Variants in ZNF184 observed in about 807,000 individuals in gnomAD.
ZNF184 encodes the protein zinc finger protein 184, also known as zinc finger protein 184 (Kruppel-like).
ZNF184 carries 16 observed loss-of-function variants against 54.4 expected under a neutral mutation model. The observed-to-expected ratio is 0.29, with a 90% confidence interval of 0.20 to 0.45. The LOEUF (loss-of-function observed/expected upper bound fraction) is 0.45. ZNF184 is among the 20% of genes least tolerant of loss of function. ZNF184 has a pLI of 1.00. For synonymous variants in ZNF184, 254 were observed against 295.3 expected (o/e 0.86, Z 1.43); for missense variants, 681 against 888.2 (o/e 0.77, Z 2.97).
chr6:27,456,733 A>G (rs561623698), intron 5 of ZNF184, 93 bp downstream of exon 5: 67 of 1,078,290 alleles, frequency 6.2e-5, no homozygotes, highest in Middle Eastern at 2.0e-4. Context: ...TTTAAAGGGA[A>G]GAAAGTACAT....
the ZNF184 span, among the ~76,000 whole-genome samples, chr6:27,440,308 C>T: frequency 3.3e-5 from 5 of 152,104 alleles, no homozygotes; most frequent in African/African-American, 1.2e-4. Flanking sequence ...GAGAGTCTAA[C>T]AATATTCATT....
At chr6:27,442,995 A>C in the ZNF184 span, among the ~76,000 whole-genome samples, 2 of 152,134 alleles carry the variant, frequency 1.3e-5, no homozygotes, top group Non-Finnish European at 2.9e-5. Context: ...GTAACATTTC[A>C]GAGCCCAGAC....
chr6:27,442,737 A>AGGAAGGAG, the ZNF184 span, among the ~76,000 whole-genome samples: 216 of 133,332 alleles, frequency 1.6e-3, 6 homozygotes, highest in African/African-American at 3.7e-3. Flanking sequence ...GAAGGAAGGA[A>AGGAAGGAG]GGAGGGAGGG....
At chr6:27,444,620 A>C in the ZNF184 span, among the ~76,000 whole-genome samples, 1 of 152,092 alleles carries the variant, frequency 6.6e-6, no homozygotes, top group African/African-American at 2.4e-5. Context: ...ATCAGGTTTT[A>C]GTTCCACCAC....
intron 5 of ZNF184, 33 bp downstream of exon 5, chr6:27,456,793 A>G (rs1176379085): frequency 1.3e-6 from 2 of 1,562,510 alleles, no homozygotes; most frequent in South Asian, 2.2e-5. Flanking sequence ...AGTCGGAGTT[A>G]ATGATATTCA....
the ZNF184 span, among the ~76,000 whole-genome samples, chr6:27,422,145 AAAAAAAGAAAG>A: frequency 4.6e-4 from 24 of 51,930 alleles, 2 homozygotes; most frequent in African/African-American, 1.8e-3. Context: ...TACCTCAAAA[AAAAAAAGAAAG>A]AAAGAAAGAA....
the ZNF184 span, among the ~76,000 whole-genome samples, chr6:27,437,497 T>C: frequency 3.9e-5 from 6 of 152,184 alleles, no homozygotes; most frequent in Non-Finnish European, 5.9e-5. Context: ...ACAGATCCTT[T>C]AGATGAGAAT....
At chr6:27,466,860 G>A (rs1054453821) in intron 3 of ZNF184, among the ~76,000 whole-genome samples, 1 of 152,096 alleles carries the variant, frequency 6.6e-6, no homozygotes, top group South Asian at 2.1e-4. Flanking sequence ...TTCTCAATCA[G>A]TCCAGGTCAC....
Position 27,458,207 on chromosome 6 carries a change from A to G in ZNF184, c.76-798T>C, listed in dbSNP as rs549720320. Among the ~76,000 whole-genome samples the G allele has an allele frequency of 8.0e-5, 12 of 150,910 alleles. No individual in the cohort carries two copies. In the South Asian group the frequency reaches 2.3e-3, roughly 29 times the overall value. ...GGAAGGCAAAATTTACATGATGGAG[A>G]GAGAGATCGATAGATATAACCACAT... is the stretch of plus-strand genomic sequence containing the variant. On this transcript the variant is annotated intron_variant, in intron 3 of 5. Coordinates refer to ENST00000683788, the MANE Select transcript of ZNF184 (RefSeq NM_001318891.2).
At chr6:27,412,793 G>A in the ZNF184 span, among the ~76,000 whole-genome samples, 1 of 152,186 alleles carries the variant, frequency 6.6e-6, no homozygotes, top group Non-Finnish European at 1.5e-5. Flanking sequence ...AGAATCACTT[G>A]AGCCCAGAAG....
At chr6:27,470,159 A>G (rs1763238993) in intron 2 of ZNF184, among the ~76,000 whole-genome samples, 1 of 152,184 alleles carries the variant, frequency 6.6e-6, no homozygotes, top group African/African-American at 2.4e-5. Context: ...GCTGGGTAAA[A>G]TTTACGCAAA....
At chr6:27,418,545 A>G in the ZNF184 span, among the ~76,000 whole-genome samples, 6 of 152,180 alleles carry the variant, frequency 3.9e-5, no homozygotes, top group East Asian at 9.6e-4. Flanking sequence ...TATTGACAAT[A>G]ATTTTAATTT....
chr6:27,467,682 G>A (rs1763174739), intron 3 of ZNF184, among the ~76,000 whole-genome samples, 171 bp downstream of exon 3: 1 of 152,174 alleles, frequency 6.6e-6, no homozygotes, highest in African/African-American at 2.4e-5. Context: ...AGTGGTGAAT[G>A]TATTAGTTAA....
rs1463251485 is a variant in ZNF184 at position 27,451,602 on chromosome 6, G to C, written c.1957C>G (p.Gln653Glu). ...TGATGCTGAGTTAGATGGGAGCTCT[G>C]GCTAAAGGTCTTTTCACATTTATTA... ...QCNKCEKTFS[Q>E]SSHLTQHQRI... Residue 653 changes from glutamine to glutamate, a missense_variant, in exon 6 of 6, where the codon CAG becomes GAG. By Grantham distance (29) the Gln-to-Glu change is conservative. Transcript: ENST00000683788. The C allele has an allele frequency of 1.1e-5, 17 of 1,614,102 alleles. No homozygotes were observed. Among genetic ancestry groups the C allele is most frequent in the Non-Finnish European group, 1.4e-5 (17 of 1,180,004 alleles).
chr6:27,442,472 T>A, the ZNF184 span, among the ~76,000 whole-genome samples: 1 of 151,752 alleles, frequency 6.6e-6, no homozygotes, highest in Non-Finnish European at 1.5e-5. Context: ...ATAAAAAAAA[T>A]TAGCCAGGCA....
chr6:27,468,000 T>C (rs1763185298), intron 2 of ZNF184, 80 bp from the exon 3 acceptor site: 1 of 1,160,896 alleles, frequency 8.6e-7, no homozygotes, highest in African/African-American at 1.6e-5. Context: ...TTTACTCTTC[T>C]ATTTGAAAAT....
At chr6:27,443,350 A>C in the ZNF184 span, among the ~76,000 whole-genome samples, 1 of 152,090 alleles carries the variant, frequency 6.6e-6, no homozygotes, top group South Asian at 2.1e-4. Flanking sequence ...ATCAAACTAA[A>C]CCACTTACTA....
chr6:27,463,898 G>C (rs1763060609), intron 3 of ZNF184, among the ~76,000 whole-genome samples: 1 of 144,754 alleles, frequency 6.9e-6, no homozygotes, highest in Non-Finnish European at 1.5e-5. Context: ...AAATGTTAAA[G>C]GAAGTCCTTC....
intron 3 of ZNF184, among the ~76,000 whole-genome samples, chr6:27,464,267 C>A (rs1023365100): frequency 6.6e-6 from 1 of 152,130 alleles, no homozygotes; most frequent in Admixed American, 6.5e-5. Flanking sequence ...AAATCTCTTT[C>A]AAAGATAATT....
Sources: gnomAD v4.1 joint callset for allele counts (sites outside exome capture counted in the v4.1 genomes callset) on GRCh38, gnomAD v4.1.1 for gene constraint, MANE v1.5 for transcripts, NCBI Gene and HGNC (gene_info 2026-07-23, HGNC 2026-07-21) for gene names.